Variants in MMP26 observed in about 807,000 individuals in gnomAD.
MMP26 encodes matrix metalloproteinase-26.
In MMP26, 33 loss-of-function variants were observed where a neutral mutation model predicts 31.0. The ratio of observed to expected loss-of-function variants is 1.06; its 90% CI spans 0.81 to 1.42. The LOEUF is 1.42. MMP26 is among the 40% of genes most tolerant of loss of function. The pLI is 0.00. For missense variants in MMP26, 347 were observed against 316.1 expected (o/e 1.10, Z -0.74); for synonymous variants, 122 against 114.9 (o/e 1.06, Z -0.40).
At chr11:4,853,921 A>T (rs145709671) in intron 2 of MMP26, among the ~76,000 whole-genome samples, 2 of 152,220 alleles carry the variant, frequency 1.3e-5, no homozygotes, top group South Asian at 2.1e-4. Context: ...ATAAAAAAAA[A>T]ATTCTGCACT....
intron 2 of MMP26, among the ~76,000 whole-genome samples, chr11:4,862,878 A>G (rs1461947212): frequency 6.6e-6 from 1 of 152,162 alleles, no homozygotes; most frequent in East Asian, 1.9e-4. Context: ...AGAAATGACA[A>G]TGGTCAGATC....
intron 2 of MMP26, chr11:4,973,235 A>G (rs371508110): frequency 6.4e-6 from 1 of 157,416 alleles, no homozygotes; most frequent in South Asian, 2.0e-4. Context: ...CATGTAGGAC[A>G]TGAAAATAAA....
Position 4,815,025 on chromosome 11 carries a change from A to AT in MMP26, c.-145+47691dup, listed in dbSNP as rs1013529114. 3.6e-4 allele frequency among the ~76,000 whole-genome samples: 55 copies of AT among 152,082 alleles called. 1 individual carries two copies. The highest frequency in any genetic ancestry group is 3.2e-4 in the Non-Finnish European group (22 of 68,012). Reference sequence around the variant, plus strand: ...ATCAATCAATAAGTTTAAGATATACATTTTTTTCAGTCTGGAAAGGCAGGA... The same window carrying AT: ...ATCAATCAATAAGTTTAAGATATACATTTTTTTTCAGTCTGGAAAGGCAGGA... On this transcript the variant is annotated intron_variant, in intron 2 of 7. Transcript: ENST00000380390.
intron 1 of MMP26, among the ~76,000 whole-genome samples, chr11:4,743,246 A>G (rs968158640): frequency 3.9e-5 from 6 of 152,140 alleles, no homozygotes; most frequent in Non-Finnish European, 7.4e-5. Context: ...AGGTTTTCAA[A>G]CACTTGACAC....
At chr11:4,942,128 C>G (rs540761119) in intron 2 of MMP26, among the ~76,000 whole-genome samples, 1 of 79,858 alleles carries the variant, frequency 1.3e-5, no homozygotes, top group Non-Finnish European at 2.9e-5. Context: ...AAACCCTACT[C>G]AGACTGCTGC....
chr11:4,881,271 T>C (rs1850458338), intron 2 of MMP26, among the ~76,000 whole-genome samples: 1 of 152,142 alleles, frequency 6.6e-6, no homozygotes, highest in Non-Finnish European at 1.5e-5. Context: ...CGCCTTGCAT[T>C]ATCCAGTGTC....
intron 1 of MMP26, among the ~76,000 whole-genome samples, chr11:4,758,466 GAAAAAA>G (rs376347621): frequency 0.047 from 4,431 of 93,386 alleles, 239 homozygotes; most frequent in African/African-American, 0.14. Context: ...CATCCATTTG[GAAAAAA>G]AAAAAAAAAA....
intron 2 of MMP26, among the ~76,000 whole-genome samples, chr11:4,777,857 T>G (rs910729133): frequency 1.3e-5 from 2 of 152,114 alleles, no homozygotes; most frequent in African/African-American, 4.8e-5. Flanking sequence ...TGTTGATGGA[T>G]GTTGTTGTTT....
At chr11:4,815,761 A>G (rs1589909353) in intron 2 of MMP26, among the ~76,000 whole-genome samples, 1 of 152,206 alleles carries the variant, frequency 6.6e-6, no homozygotes, top group East Asian at 1.9e-4. Flanking sequence ...TCCCAGGAAT[A>G]CAACAATCCG....
rs1240090645 is a variant in MMP26 at position 4,848,212 on chromosome 11, C to T, written c.-145+80871C>T. 3 of 1,572,150 alleles carry T rather than the reference C, an allele frequency of 1.9e-6. No homozygotes were observed. The East Asian group carries it at 6.7e-5, about 35-fold the overall frequency. ...AACTTTAGTATCAGGAGCCCTGTAC[C>T]ACCAAACACGGAGGGACATCCTACT... On this transcript the variant is annotated intron_variant, in intron 2 of 7. Coordinates refer to ENST00000380390, the MANE Select transcript of MMP26 (RefSeq NM_021801.5).
At chr11:4,984,652 G>A (rs1564819246) in intron 2 of MMP26, among the ~76,000 whole-genome samples, 1 of 152,016 alleles carries the variant, frequency 6.6e-6, no homozygotes, top group Admixed American at 6.6e-5. Flanking sequence ...TTATGGGCCT[G>A]GAAAATATGA....
chr11:4,836,650 T>C (rs1027459757), intron 2 of MMP26, among the ~76,000 whole-genome samples: 1 of 136,810 alleles, frequency 7.3e-6, no homozygotes, highest in Non-Finnish European at 1.6e-5. Flanking sequence ...ATCAAAGACA[T>C]CTTTTTTTTT....
At chr11:4,792,887 C>T (rs1313015058) in intron 2 of MMP26, among the ~76,000 whole-genome samples, 1 of 152,070 alleles carries the variant, frequency 6.6e-6, no homozygotes, top group Non-Finnish European at 1.5e-5. Flanking sequence ...TATGGCCAGC[C>T]AATTGATAGT....
chr11:4,923,892 A>C, intron 2 of MMP26: 1 of 1,614,098 alleles, frequency 6.2e-7, no homozygotes. Context: ...CTAAGCACTG[A>C]GCTTAGCCCC....
intron 2 of MMP26, chr11:4,946,325 A>T (rs1846303224): frequency 6.2e-7 from 1 of 1,613,894 alleles, no homozygotes; most frequent in Non-Finnish European, 8.5e-7. Flanking sequence ...GACAACGGCC[A>T]GGTTGATGAT....
intron 2 of MMP26, among the ~76,000 whole-genome samples, chr11:4,854,449 G>A (rs541421677): frequency 7.9e-5 from 12 of 152,294 alleles, no homozygotes; most frequent in African/African-American, 1.2e-4. Context: ...CCACGCCCAC[G>A]GAACCTTGCT....
At chr11:4,752,488 TAAG>T (rs954693214) in intron 1 of MMP26, 28 of 152,472 alleles carry the variant, frequency 1.8e-4, no homozygotes, top group African/African-American at 6.7e-4. Flanking sequence ...GACAGTCACT[TAAG>T]AAGTAGGATT....
chr11:4,860,418 A>T (rs966251273), intron 2 of MMP26: 2 of 471,072 alleles, frequency 4.2e-6, no homozygotes, highest in African/African-American at 4.0e-5. Context: ...CCTTGATGAC[A>T]GCTAGGATGG....
intron 2 of MMP26, among the ~76,000 whole-genome samples, chr11:4,984,744 A>G (rs10837069): frequency 0.1 from 15,731 of 152,172 alleles, 1,588 homozygotes; most frequent in East Asian, 0.3. Context: ...GTTATTGTGT[A>G]CAACAGAATA....
Sources: gnomAD v4.1 joint callset for allele counts (sites outside exome capture counted in the v4.1 genomes callset) on GRCh38, gnomAD v4.1.1 for gene constraint, MANE v1.5 for transcripts, NCBI Gene and HGNC (gene_info 2026-07-23, HGNC 2026-07-21) for gene names.